SNCAIP: variants seen among roughly 807,000 people sequenced by gnomAD.
SNCAIP encodes synuclein alpha interacting protein, also known as synphilin-1.
In SNCAIP, 43 loss-of-function variants were observed where a neutral mutation model predicts 86.7. The observed-to-expected ratio is 0.50, with a 90% CI of 0.39 to 0.64. The LOEUF (loss-of-function observed/expected upper bound fraction) is 0.64, where lower values mean the gene tolerates loss of function less well. SNCAIP is among the 30% of genes least tolerant of loss of function. The pLI, the probability that SNCAIP is intolerant of heterozygous loss-of-function variation, is 0.00. For synonymous variants in SNCAIP, 417 were observed against 427.2 expected, an observed-to-expected ratio of 0.98 and a Z score of 0.29; for missense variants, 981 against 1,103.1, an observed-to-expected ratio of 0.89 and a Z score of 1.57.
At chr5:122,371,122 G>A (rs974033082) in intron 1 of SNCAIP, among the ~76,000 whole-genome samples, 2 of 151,844 alleles carry the variant, frequency 1.3e-5, no homozygotes, top group South Asian at 2.1e-4. Context: ...GAGACCAGCC[G>A]GGGCAACATA....
At chr5:122,402,025 A>G (rs867847907) in intron 2 of SNCAIP, among the ~76,000 whole-genome samples, 1 of 152,122 alleles carries the variant, frequency 6.6e-6, no homozygotes, top group Non-Finnish European at 1.5e-5. Flanking sequence ...TGAATTTTTC[A>G]TTAACTGTAT....
chr5:122,421,784 G>C (rs1029303795), intron 3 of SNCAIP, among the ~76,000 whole-genome samples: 1 of 152,110 alleles, frequency 6.6e-6, no homozygotes, highest in African/African-American at 2.4e-5. Context: ...TAGCAGTGGA[G>C]TGGCCCAGGG....
chr5:122,440,973 T>C, intron 7 of SNCAIP: 2 of 532,298 alleles, frequency 3.8e-6, no homozygotes, highest in South Asian at 4.0e-5. Flanking sequence ...CCCAGGGTGT[T>C]GAAAGGGACT....
At chr5:122,430,461 AT>A (rs1778189530) in intron 5 of SNCAIP, among the ~76,000 whole-genome samples, 1 of 152,214 alleles carries the variant, frequency 6.6e-6, no homozygotes, top group African/African-American at 2.4e-5. Flanking sequence ...AGTTACTATT[AT>A]CCCTGCTATT....
At chr5:122,329,897 G>A (rs559337630) in intron 1 of SNCAIP, among the ~76,000 whole-genome samples, 110 of 152,256 alleles carry the variant, frequency 7.2e-4, no homozygotes, top group Middle Eastern at 3.4e-3. Flanking sequence ...GAGACTAACG[G>A]TTAAAAGTGT....
intron 1 of SNCAIP, among the ~76,000 whole-genome samples, chr5:122,320,394 C>CT (rs1752671966): frequency 6.6e-6 from 1 of 152,158 alleles, no homozygotes; most frequent in African/African-American, 2.4e-5. Flanking sequence ...GCTCTGTCCT[C>CT]TAAGTTGCGG....
intron 1 of SNCAIP, among the ~76,000 whole-genome samples, chr5:122,358,075 C>T (rs1319637175): frequency 1.3e-5 from 2 of 151,962 alleles, no homozygotes; most frequent in African/African-American, 2.4e-5. Context: ...GAATTGCCCT[C>T]ATCACTTTAA....
chr5:122,405,169 C>G (rs149275101), intron 3 of SNCAIP, among the ~76,000 whole-genome samples: 6 of 152,216 alleles, frequency 3.9e-5, no homozygotes. Flanking sequence ...GTCAGAGTCA[C>G]CAGGCCTAGG....
At chr5:122,363,297 G>T (rs1167341500) in intron 1 of SNCAIP, among the ~76,000 whole-genome samples, 3 of 152,114 alleles carry the variant, frequency 2.0e-5, no homozygotes, top group African/African-American at 7.2e-5. Flanking sequence ...CACTGGGCCT[G>T]CTTCTATTTT....
At chr5:122,319,003 C>CA in intron 1 of SNCAIP, among the ~76,000 whole-genome samples, 1 of 109,358 alleles carries the variant, frequency 9.1e-6, no homozygotes, top group African/African-American at 3.3e-5. Context: ...GATGAGGAAA[C>CA]AAAGATTTAG....
chr5:122,450,516 C>T lies in SNCAIP; in HGVS notation c.1686-17C>T, dbSNP rs747747159. 1.4e-5 allele frequency: 22 copies of T among 1,577,960 alleles called. No homozygotes were observed. The East Asian group carries it at 4.7e-4, about 34-fold the overall frequency. On this transcript the variant is annotated splice_polypyrimidine_tract_variant and intron_variant, in intron 9 of 10. Coordinates refer to ENST00000261368, the MANE Select transcript of SNCAIP (RefSeq NM_005460.4). Reference sequence around the variant, plus strand: ...CCAGTAGGAAATCATCTCATATGTCCTTCATCTTCTTTTTAGTTCACCATC... The same window carrying T: ...CCAGTAGGAAATCATCTCATATGTCTTTCATCTTCTTTTTAGTTCACCATC...
intron 10 of SNCAIP, 65 bp downstream of exon 10, chr5:122,451,666 C>A: frequency 8.1e-7 from 1 of 1,230,506 alleles, no homozygotes; most frequent in Non-Finnish European, 1.2e-6. Flanking sequence ...CCTAATATCA[C>A]AGATTGTGGG....
intron 1 of SNCAIP, among the ~76,000 whole-genome samples, chr5:122,329,387 T>G (rs1360707984): frequency 6.6e-6 from 1 of 152,108 alleles, no homozygotes; most frequent in Non-Finnish European, 1.5e-5. Flanking sequence ...CTCTTGAACC[T>G]CCCGGTGTCT....
At chr5:122,436,105 C>T (rs1228291247) in intron 6 of SNCAIP, among the ~76,000 whole-genome samples, 2 of 152,080 alleles carry the variant, frequency 1.3e-5, no homozygotes. Context: ...AGACAGAAAA[C>T]AGAGTCATGA....
intron 10 of SNCAIP, among the ~76,000 whole-genome samples, chr5:122,461,652 G>C (rs1786282791): frequency 7.0e-6 from 1 of 143,000 alleles, no homozygotes; most frequent in Admixed American, 6.9e-5. Context: ...TCTTCTCTTT[G>C]TTCCTTTTTT....
In SNCAIP at chr5:122,358,333, C is replaced by T. The variant is rs796788984; in HGVS notation, c.-46-32756C>T. ...AACTCGTCATTTATATTAGGTGTAT[C>T]TCCTAATGCTATCCCTCCCCCCTCC... On this transcript the variant is annotated intron_variant, in intron 1 of 10. Coordinates refer to ENST00000261368, the MANE Select transcript of SNCAIP (RefSeq NM_005460.4). Among the ~76,000 whole-genome samples the T allele has an allele frequency of 6.9e-4, 103 of 148,784 alleles. 1 individual carries two copies. The highest frequency in any genetic ancestry group is 2.4e-3 in the African/African-American group (97 of 40,744).
chr5:122,313,744 T>C (rs774952590), intron 1 of SNCAIP, among the ~76,000 whole-genome samples: 1 of 152,128 alleles, frequency 6.6e-6, no homozygotes, highest in Non-Finnish European at 1.5e-5. Context: ...CCTCAAGACT[T>C]TTTGGAAGGT....
intron 1 of SNCAIP, among the ~76,000 whole-genome samples, chr5:122,316,753 A>G (rs1366993435): frequency 6.6e-6 from 1 of 152,200 alleles, no homozygotes; most frequent in African/African-American, 2.4e-5. Context: ...TCTGCCTTTC[A>G]CCTAAAAGCT....
intron 1 of SNCAIP, among the ~76,000 whole-genome samples, chr5:122,352,180 T>C (rs1760003022): frequency 6.6e-6 from 1 of 152,220 alleles, no homozygotes; most frequent in African/African-American, 2.4e-5. Context: ...AAACGAGTTC[T>C]TGTGTTATCA....
Sources: allele counts gnomAD v4.1 joint callset (sites outside exome capture counted in the v4.1 genomes callset), GRCh38; gene constraint gnomAD v4.1.1; transcripts MANE v1.5; gene names NCBI Gene and HGNC (gene_info 2026-07-23, HGNC 2026-07-21).